Variants in NPAS3 observed in about 807,000 individuals in gnomAD.
NPAS3 encodes neuronal PAS domain protein 3.
In NPAS3, 14 loss-of-function variants were observed where a neutral mutation model predicts 73.1. The observed-to-expected ratio is 0.19, with a 90% CI of 0.13 to 0.30. The LOEUF (loss-of-function observed/expected upper bound fraction) is 0.30. NPAS3 is among the 10% of genes least tolerant of loss of function. The pLI, the probability that NPAS3 is intolerant of heterozygous loss-of-function variation, is 1.00. For missense variants in NPAS3, 1,096 were observed against 1,250.0 expected (o/e 0.88, Z 1.86); for synonymous variants, 620 against 541.5 (o/e 1.14, Z -2.01).
At chr14:33,287,873 A>C (rs565585547) in intron 3 of NPAS3, among the ~76,000 whole-genome samples, 6 of 152,136 alleles carry the variant, frequency 3.9e-5, no homozygotes, top group South Asian at 2.1e-4. Flanking sequence ...ATTCCACCAA[A>C]CTGGCATATT....
chr14:33,483,678 A>G (rs1333902055), intron 4 of NPAS3, among the ~76,000 whole-genome samples: 1 of 152,198 alleles, frequency 6.6e-6, no homozygotes, highest in Admixed American at 6.5e-5. Context: ...AAAAGTGACT[A>G]CAGGATTATG....
chr14:33,578,773 G>A (rs2056549349), intron 5 of NPAS3, among the ~76,000 whole-genome samples: 2 of 152,102 alleles, frequency 1.3e-5, no homozygotes, highest in Non-Finnish European at 2.9e-5. Flanking sequence ...AGGTCATTTA[G>A]GAAGACTGGT....
intron 4 of NPAS3, among the ~76,000 whole-genome samples, chr14:33,389,767 A>G (rs35862744): frequency 0.17 from 25,173 of 152,190 alleles, 2,332 homozygotes; most frequent in Non-Finnish European, 0.21. Context: ...TTTATAAAAC[A>G]ACACATTTTC....
At chr14:33,662,869 CTT>C (rs550747845) in intron 5 of NPAS3, among the ~76,000 whole-genome samples, 522 of 89,860 alleles carry the variant, frequency 5.8e-3, no homozygotes, top group African/African-American at 0.023. Context: ...TGGGGTTTTC[CTT>C]TTTTTTTTTT....
intron 6 of NPAS3, among the ~76,000 whole-genome samples, chr14:33,699,156 A>C (rs4283129): frequency 0.42 from 63,247 of 152,140 alleles, 15,770 homozygotes; most frequent in Non-Finnish European, 0.57. Flanking sequence ...CGTTTCAAAA[A>C]AAAACATGTG....
At chr14:33,156,087 T>A (rs768541689) in intron 2 of NPAS3, among the ~76,000 whole-genome samples, 54 of 152,126 alleles carry the variant, frequency 3.5e-4, no homozygotes, top group Non-Finnish European at 7.4e-4. Context: ...ATAATAAAAA[T>A]AGGAACTTTT....
At chr14:33,579,494 A>G (rs1017223336) in intron 5 of NPAS3, among the ~76,000 whole-genome samples, 2 of 152,228 alleles carry the variant, frequency 1.3e-5, no homozygotes, top group African/African-American at 4.8e-5. Context: ...TCTATATATT[A>G]TAATGAAAGA....
intron 7 of NPAS3, among the ~76,000 whole-genome samples, chr14:33,755,423 C>T (rs1411167097): frequency 2.0e-5 from 3 of 152,084 alleles, no homozygotes; most frequent in Non-Finnish European, 2.9e-5. Context: ...CCAAAGAGGG[C>T]AAAGGCAGAA....
intron 4 of NPAS3, among the ~76,000 whole-genome samples, chr14:33,552,112 G>T (rs890331494): frequency 7.2e-5 from 11 of 152,234 alleles, no homozygotes; most frequent in Non-Finnish European, 1.2e-4. Context: ...TCCTGGGCTT[G>T]ATGTATAATA....
At chr14:33,770,189 T>C (rs1193525260) in intron 7 of NPAS3, among the ~76,000 whole-genome samples, 2 of 152,204 alleles carry the variant, frequency 1.3e-5, no homozygotes, top group African/African-American at 4.8e-5. Context: ...TTTATTCCAA[T>C]GTGTAGCCAT....
At chr14:32,996,708 ATC>A (rs1313824342) in intron 1 of NPAS3, among the ~76,000 whole-genome samples, 1 of 152,190 alleles carries the variant, frequency 6.6e-6, no homozygotes, top group African/African-American at 2.4e-5. Flanking sequence ...AGGTTTGGGA[ATC>A]TCCATCTAGA....
intron 6 of NPAS3, among the ~76,000 whole-genome samples, chr14:33,722,896 G>C (rs898102845): frequency 6.6e-6 from 1 of 151,930 alleles, no homozygotes; most frequent in Non-Finnish European, 1.5e-5. Flanking sequence ...TGCTGGAATT[G>C]AGCCATAATA....
At chr14:33,408,124 G>A (rs1047603320) in intron 4 of NPAS3, among the ~76,000 whole-genome samples, 15 of 152,102 alleles carry the variant, frequency 9.9e-5, no homozygotes, top group African/African-American at 3.1e-4. Flanking sequence ...AATGCTAATC[G>A]AGAAGAGTAC....
chr14:33,203,870 T>C (rs2046718053), intron 2 of NPAS3, among the ~76,000 whole-genome samples: 1 of 152,216 alleles, frequency 6.6e-6, no homozygotes, highest in South Asian at 2.1e-4. Context: ...ATGGTATTTC[T>C]AGTTCTAGAT....
chr14:33,161,879 A>C (rs902967102), intron 2 of NPAS3, among the ~76,000 whole-genome samples: 1 of 152,236 alleles, frequency 6.6e-6, no homozygotes, highest in African/African-American at 2.4e-5. Context: ...AAGACGTGGG[A>C]AATAGGAATG....
intron 4 of NPAS3, among the ~76,000 whole-genome samples, chr14:33,393,268 G>T (rs892784536): frequency 2.0e-5 from 3 of 152,104 alleles, no homozygotes; most frequent in Non-Finnish European, 4.4e-5. Context: ...TGTGGTCACC[G>T]TATTTGCTGA....
intron 3 of NPAS3, among the ~76,000 whole-genome samples, chr14:33,286,427 A>C (rs1386610469): frequency 1.3e-5 from 2 of 152,220 alleles, no homozygotes; most frequent in Admixed American, 1.3e-4. Context: ...TGTTTTAAAA[A>C]AATTCCATGA....
intron 4 of NPAS3, among the ~76,000 whole-genome samples, chr14:33,370,083 T>G (rs72680125): frequency 0.2 from 30,738 of 152,120 alleles, 4,079 homozygotes; most frequent in Non-Finnish European, 0.3. Context: ...TGACAGTTTA[T>G]AGTCATTTAA....
chr14:33,563,220 G>A (rs942422965), intron 5 of NPAS3, among the ~76,000 whole-genome samples: 2 of 152,036 alleles, frequency 1.3e-5, no homozygotes, highest in African/African-American at 4.8e-5. Flanking sequence ...CATAAATGTG[G>A]TGGCTTTAAA....
Sources: allele counts gnomAD v4.1 joint callset (sites outside exome capture counted in the v4.1 genomes callset), GRCh38; gene constraint gnomAD v4.1.1; transcripts MANE v1.5; gene names NCBI Gene and HGNC (gene_info 2026-07-23, HGNC 2026-07-21).